ANKRD12: variants seen among roughly 807,000 people sequenced by gnomAD.
ANKRD12 encodes the protein ankyrin repeat domain-containing protein 12.
Under a neutral mutation model 183.4 loss-of-function variants are expected in ANKRD12, and 85 were observed. The observed-to-expected ratio is 0.46, with a 90% CI of 0.39 to 0.56. The LOEUF is 0.56. ANKRD12 is among the 20% of genes least tolerant of loss of function. ANKRD12 has a pLI of 0.00. For synonymous variants in ANKRD12, 914 were observed against 800.2 expected, an observed-to-expected ratio of 1.14 and a Z score of -2.40; for missense variants, 2,405 against 2,357.1, an observed-to-expected ratio of 1.02 and a Z score of -0.42.
At chr18:9,144,605 G>A (rs527494928) in intron 1 of ANKRD12, among the ~76,000 whole-genome samples, 1 of 152,042 alleles carries the variant, frequency 6.6e-6, no homozygotes, top group Non-Finnish European at 1.5e-5. Context: ...GACTGGCAGA[G>A]GTATAATTAC....
At position 9,258,896 on chromosome 18, in the gene ANKRD12, G is replaced by C; in HGVS notation, c.5629G>C (p.Asp1877His). ...AACATTTAACGGATCATATCTCCTG[G>C]ATGGAAACCCCTTAAGCAAGATTTG... ...YVTFNGSYLL[D>H]GNPLSKICIP... The change falls in exon 9 of 13, where the codon GAT becomes CAT. Residue 1877 changes from aspartate (D) to histidine (H), a missense_variant. By Grantham distance (81) the Asp-to-His change is moderately conservative. Transcript: ENST00000262126. The C allele has an allele frequency of 1.2e-6, 2 of 1,611,244 alleles. No individual in the cohort carries two copies. Among genetic ancestry groups the C allele is most frequent in the Non-Finnish European group, 1.7e-6 (2 of 1,178,492 alleles).
intron 8 of ANKRD12, among the ~76,000 whole-genome samples, chr18:9,252,629 C>T (rs892905338): frequency 1.1e-4 from 17 of 152,166 alleles, no homozygotes; most frequent in Admixed American, 1.1e-3. Context: ...AAATGACAAA[C>T]CATGGATCTC....
At chr18:9,276,719 AAAC>A (rs1442601932) in intron 11 of ANKRD12, among the ~76,000 whole-genome samples, 3 of 152,014 alleles carry the variant, frequency 2.0e-5, no homozygotes, top group Admixed American at 6.6e-5. Flanking sequence ...TCTCAAAAAA[AAAC>A]AAAAAAAAAA....
At chr18:9,196,318 A>G (rs918703970) in intron 3 of ANKRD12, among the ~76,000 whole-genome samples, 1 of 152,068 alleles carries the variant, frequency 6.6e-6, no homozygotes, top group Non-Finnish European at 1.5e-5. Flanking sequence ...AATCCCAGTT[A>G]TTCATAACGG....
At chr18:9,233,319 A>G (rs2037161409) in intron 8 of ANKRD12, among the ~76,000 whole-genome samples, 1 of 151,718 alleles carries the variant, frequency 6.6e-6, no homozygotes, top group Non-Finnish European at 1.5e-5. Context: ...CCTATCTTGA[A>G]TGGTTTTTCT....
At chr18:9,163,078 G>T (rs531942615) in intron 1 of ANKRD12, among the ~76,000 whole-genome samples, 3 of 152,166 alleles carry the variant, frequency 2.0e-5, no homozygotes, top group South Asian at 2.1e-4. Context: ...TGCTTTTGTT[G>T]CAATTGTTTT....
chr18:9,187,273 C>T (rs960081579), intron 2 of ANKRD12, among the ~76,000 whole-genome samples: 10 of 152,012 alleles, frequency 6.6e-5, no homozygotes, highest in African/African-American at 2.2e-4. Flanking sequence ...AAAAAATTAG[C>T]TGGATGTGTT....
intron 5 of ANKRD12, among the ~76,000 whole-genome samples, chr18:9,210,432 A>T (rs2035729066): frequency 6.6e-6 from 1 of 151,894 alleles, no homozygotes. Context: ...TAAAATCCAA[A>T]AGGTAGGGCC....
intron 10 of ANKRD12, among the ~76,000 whole-genome samples, chr18:9,265,965 A>C (rs1387075957): frequency 6.6e-6 from 1 of 152,216 alleles, no homozygotes; most frequent in African/African-American, 2.4e-5. Context: ...CGAGAACTAC[A>C]TGACGAATGC....
intron 1 of ANKRD12, among the ~76,000 whole-genome samples, chr18:9,149,792 A>ATTTT (rs75749856): frequency 0.024 from 678 of 27,948 alleles, 1 homozygote; most frequent in Non-Finnish European, 0.038. Flanking sequence ...TTATTTATTA[A>ATTTT]ATTTTATTTT....
chr18:9,149,077 C>A lies in ANKRD12; in HGVS notation c.-52+12112C>A, dbSNP rs867297627. 1.6e-4 allele frequency among the ~76,000 whole-genome samples: 24 copies of A among 152,278 alleles called. No individual in the cohort carries two copies. In the Middle Eastern group the frequency reaches 0.014, roughly 86 times the overall value. On this transcript the variant is annotated intron_variant, in intron 1 of 12. Coordinates refer to ENST00000262126, the MANE Select transcript of ANKRD12 (RefSeq NM_015208.5). ...ATCCTCAACACTCTATTTTAGTGTT[C>A]CCTCTTCTTGAAATTCCCTACCCCT...
At chr18:9,150,176 T>G (rs1441982956) in intron 1 of ANKRD12, among the ~76,000 whole-genome samples, 1 of 152,196 alleles carries the variant, frequency 6.6e-6, no homozygotes, top group African/African-American at 2.4e-5. Flanking sequence ...GCAGCACCAA[T>G]AAAAAATGAA....
intron 1 of ANKRD12, among the ~76,000 whole-genome samples, chr18:9,180,199 A>G (rs1459896969): frequency 2.0e-5 from 3 of 152,098 alleles, no homozygotes; most frequent in Admixed American, 2.0e-4. Context: ...CCCTTTATCA[A>G]TATGTAGTAT....
chr18:9,180,204 T>C (rs1165664597), intron 1 of ANKRD12, among the ~76,000 whole-genome samples: 1 of 152,178 alleles, frequency 6.6e-6, no homozygotes, highest in Non-Finnish European at 1.5e-5. Context: ...TATCAATATG[T>C]AGTATATAAT....
At chr18:9,166,844 G>C (rs1325327010) in intron 1 of ANKRD12, among the ~76,000 whole-genome samples, 1 of 152,132 alleles carries the variant, frequency 6.6e-6, no homozygotes, top group Non-Finnish European at 1.5e-5. Flanking sequence ...GGTTTTTATG[G>C]TTTTAGGTCT....
chr18:9,188,584 A>G (rs2034256173), intron 2 of ANKRD12, among the ~76,000 whole-genome samples: 1 of 152,144 alleles, frequency 6.6e-6, no homozygotes, highest in African/African-American at 2.4e-5. Context: ...ACTTCACTTT[A>G]TTGTGCTTTG....
intron 8 of ANKRD12, among the ~76,000 whole-genome samples, chr18:9,245,252 G>A (rs1363671078): frequency 2.7e-5 from 4 of 150,786 alleles, no homozygotes; most frequent in Admixed American, 1.3e-4. Flanking sequence ...GAGTTCGAGA[G>A]CAGCCTGGGC....
At chr18:9,222,761 G>T (rs2036492030) in intron 8 of ANKRD12, among the ~76,000 whole-genome samples, 1 of 152,218 alleles carries the variant, frequency 6.6e-6, no homozygotes, top group South Asian at 2.1e-4. Flanking sequence ...TTTTGAGGCA[G>T]AAAGTTCTAC....
chr18:9,226,777 T>C (rs191394226), intron 8 of ANKRD12, among the ~76,000 whole-genome samples: 57 of 152,298 alleles, frequency 3.7e-4, no homozygotes, highest in African/African-American at 1.3e-3. Flanking sequence ...AACATCACTT[T>C]TTTAGTATTA....
Sources: allele counts gnomAD v4.1 joint callset (sites outside exome capture counted in the v4.1 genomes callset), GRCh38; gene constraint gnomAD v4.1.1; transcripts MANE v1.5; gene names NCBI Gene and HGNC (gene_info 2026-07-23, HGNC 2026-07-21).